LIPG: variants seen among roughly 807,000 people sequenced by gnomAD.
LIPG encodes endothelial lipase.
A neutral mutation model predicts 51.8 loss-of-function variants in LIPG; 34 were observed. The observed-to-expected ratio is 0.66, with a 90% CI of 0.50 to 0.87. The LOEUF is 0.87. Ranked by LOEUF, LIPG falls within the 40% of genes least tolerant of loss-of-function variation. The pLI is 0.00. For missense variants in LIPG, 580 were observed against 652.7 expected (o/e 0.89, Z 1.21); for synonymous variants, 246 against 246.1 (o/e 1.00, Z 0.00).
chr18:49,589,458 G>A (rs957125563), intron 9 of LIPG: 11 of 152,234 alleles, frequency 7.2e-5, no homozygotes, highest in African/African-American at 2.7e-4. Flanking sequence ...AGATGACTAA[G>A]GAAGGCTATT....
At position 49,565,487 on chromosome 18, in the gene LIPG, C is replaced by T. The variant is rs770383951; in HGVS notation, c.268C>T (p.His90Tyr). 6.2e-7 allele frequency: 1 copy of T among 1,614,194 alleles called. No homozygotes were observed. The highest frequency in any genetic ancestry group is 8.5e-7 in the Non-Finnish European group (1 of 1,180,024). The part of the protein sequence containing the change: ...NMTAKTFFII[H>Y]GWTMSGIFEN... ...GACAGCTAAAACCTTTTTCATCATT[C>T]ACGGATGGACGGTGAGCCCGGGGAG... The change falls in exon 2 of 10, where the codon CAC becomes TAC. Residue 90 changes from histidine (H) to tyrosine (Y), a missense_variant. Physicochemically the swap from His to Tyr is moderately conservative, Grantham distance 83. Coordinates refer to ENST00000261292, the MANE Select transcript of LIPG (RefSeq NM_006033.4).
chr18:49,587,568 C>CAA (rs34734805), intron 9 of LIPG, among the ~76,000 whole-genome samples: 833 of 42,214 alleles, frequency 0.02, 153 homozygotes, highest in African/African-American at 0.038. Flanking sequence ...GACTCCGTCT[C>CAA]AAAAAAAAAA....
chr18:49,582,448 A>G lies in LIPG; in HGVS notation c.1123A>G (p.Thr375Ala). 6.2e-7 allele frequency: 1 copy of G among 1,614,238 alleles called. No homozygotes were observed. The highest frequency in any genetic ancestry group is 8.5e-7 in the Non-Finnish European group (1 of 1,180,034). ...EPTFYVTLYGTNADSQTLPLE... is the reference protein window; with the variant it reads ...EPTFYVTLYGANADSQTLPLE... ...CACCTTTTACGTCACCCTTTATGGCACTAATGCAGATTCCCAGACTCTGCC... is the reference window on the plus strand; with the variant it reads ...CACCTTTTACGTCACCCTTTATGGCGCTAATGCAGATTCCCAGACTCTGCC... Residue 375 changes from threonine to alanine, a missense_variant, in exon 7 of 10, where the codon ACT becomes GCT. Thr to Ala is a moderately conservative substitution (Grantham distance 58). Coordinates refer to ENST00000261292, the MANE Select transcript of LIPG (RefSeq NM_006033.4).
chr18:49,590,173 T>TTTTG (rs1555779485), intron 9 of LIPG: 17 of 371,972 alleles, frequency 4.6e-5, no homozygotes, highest in African/African-American at 3.4e-4. Flanking sequence ...GTGTCCATGA[T>TTTTG]TGTGTGTGTG....
intron 4 of LIPG, among the ~76,000 whole-genome samples, chr18:49,572,602 AT>A: frequency 6.6e-6 from 1 of 151,876 alleles, no homozygotes; most frequent in African/African-American, 2.4e-5. Context: ...ATGGTAGTGC[AT>A]GCCTGTAATC....
At position 49,591,142 on chromosome 18, in the gene LIPG, C is replaced by G. The variant is rs576011671; in HGVS notation, c.*620C>G. 3.7e-5 allele frequency: 6 copies of G among 163,344 alleles called. No individual in the cohort carries two copies. In the East Asian group the frequency reaches 1.0e-3, roughly 28 times the overall value. 10.1% of individuals were successfully genotyped at this position (163,344 alleles called of 1,614,324 possible). On this transcript the variant is annotated 3_prime_UTR_variant, in exon 10 of 10. Transcript: ENST00000261292. Reference sequence around the variant, plus strand: ...GTTCATTTTTTAATTGAGCAAATGTCTATTGAACACTTAAAATTAATTAGA... The same window carrying G: ...GTTCATTTTTTAATTGAGCAAATGTGTATTGAACACTTAAAATTAATTAGA...
chr18:49,574,658 C>G (rs2084697099), intron 4 of LIPG, among the ~76,000 whole-genome samples: 2 of 152,036 alleles, frequency 1.3e-5, no homozygotes, highest in South Asian at 4.2e-4. Context: ...TAACAAGCTC[C>G]CAATTTCAAA....
chr18:49,596,340 T>C lies in LIPG; in HGVS notation c.*5818T>C, dbSNP rs1220959392. ...TAAATAAACTAAAATGCTAATAAAA[T>C]GTACTCCTTAGGGCCAGGTGCGGTG... On this transcript the variant is annotated 3_prime_UTR_variant, in exon 10 of 10. Coordinates refer to ENST00000261292, the MANE Select transcript of LIPG (RefSeq NM_006033.4). 1 of 151,948 alleles carries C rather than the reference T, an allele frequency of 6.6e-6. No individual in the cohort carries two copies. The highest frequency in any genetic ancestry group is 1.5e-5 in the Non-Finnish European group (1 of 67,960). The allele number at this position is 151,948 out of a possible 1,614,324, so 9.4% of individuals were successfully genotyped here.
rs2084594123 is a variant in LIPG, at chr18:49,565,454, T to G, written c.235T>G (p.Phe79Val). ...GHSQPLEDCS[F>V]NMTAKTFFII... ...CAGCCAGCCCTTAGAAGACTGCAGT[T>G]TCAACATGACAGCTAAAACCTTTTT... The change falls in exon 2 of 10, where the codon TTC (phenylalanine) becomes GTC (valine). Residue 79 changes from phenylalanine (F) to valine (V), a missense_variant. By Grantham distance (50) the Phe-to-Val change is conservative (BLOSUM62 -1). Transcript: ENST00000261292. The G allele has an allele frequency of 1.2e-6, 2 of 1,614,230 alleles. No individual in the cohort carries two copies. Among genetic ancestry groups the G allele is most frequent in the Non-Finnish European group, 1.7e-6 (2 of 1,180,040 alleles).
chr18:49,583,369 A>T (rs910816279), intron 7 of LIPG, among the ~76,000 whole-genome samples, 187 bp from the exon 8 acceptor site: 5 of 152,158 alleles, frequency 3.3e-5, no homozygotes, highest in Non-Finnish European at 7.4e-5. Context: ...AGTTTGGCCC[A>T]TATGGAGTAC....
rs1481131366 is a variant in LIPG at position 49,565,600 on chromosome 18, T to TC, written c.279+108dup. 3.0e-5 allele frequency: 40 copies of TC among 1,315,714 alleles called. 1 individual carries two copies. In the East Asian group the frequency reaches 8.1e-4, roughly 27 times the overall value. 81.5% of individuals were successfully genotyped at this position (1,315,714 alleles called of 1,614,324 possible). A position where few individuals can be genotyped will look rare whatever the true frequency, so the allele number is the denominator to read the frequency against. ...GGTGTTTCCAGATTCCAAACCCTCT[T>TC]CCCCCCTTTCCTTGTGGGCTGCTTG... On this transcript the variant is annotated intron_variant, in intron 2 of 9. Coordinates refer to ENST00000261292, the MANE Select transcript of LIPG (RefSeq NM_006033.4).
Position 49,583,637 on chromosome 18 carries a change from G to T in LIPG, c.1239G>T (p.Gln413His). 2 of 1,614,218 alleles carry T rather than the reference G, an allele frequency of 1.2e-6. No homozygotes were observed. Among genetic ancestry groups the T allele is most frequent in the Non-Finnish European group, 1.7e-6 (2 of 1,180,046 alleles). ...EEDLGDLLKI[Q>H]LTWEGASQSW... is the part of the protein sequence containing the mutation. Reference sequence around the variant, plus strand: ...ACTTGGGAGACCTCTTGAAGATCCAGCTCACCTGGGAGGGGGCCTCTCAGT... The same window carrying T: ...ACTTGGGAGACCTCTTGAAGATCCATCTCACCTGGGAGGGGGCCTCTCAGT... Residue 413 changes from glutamine (Q) to histidine (H), a missense_variant, in exon 8 of 10, where the codon CAG (glutamine) becomes CAT (histidine). Gln to His is a conservative substitution (Grantham distance 24). Transcript: ENST00000261292.
Position 49,599,075 on chromosome 18 carries a change from T to C in LIPG, c.*8553T>C, listed in dbSNP as rs1047639084. ...AGTAATGCTACTATGAACATTTGCA[T>C]ATGAATCCTTGTATGGACATGAACT... On this transcript the variant is annotated 3_prime_UTR_variant, in exon 10 of 10. Coordinates refer to ENST00000261292, the MANE Select transcript of LIPG (RefSeq NM_006033.4). The C allele has an allele frequency of 2.0e-5, 3 of 152,272 alleles. No individual in the cohort carries two copies. The highest frequency in any genetic ancestry group is 4.4e-5 in the Non-Finnish European group (3 of 68,048). 9.4% of individuals were successfully genotyped at this position (152,272 alleles called of 1,614,324 possible). A position where few individuals can be genotyped will look rare whatever the true frequency, so the allele number is the denominator to read the frequency against.
At chr18:49,570,248 A>G (rs2084649154) in intron 4 of LIPG, among the ~76,000 whole-genome samples, 1 of 152,228 alleles carries the variant, frequency 6.6e-6, no homozygotes, top group African/African-American at 2.4e-5. Context: ...TCCATGTTGA[A>G]AACTGCATCT....
chr18:49,584,528 T>C (rs1367141675), intron 8 of LIPG, among the ~76,000 whole-genome samples: 3 of 152,180 alleles, frequency 2.0e-5, no homozygotes, highest in African/African-American at 4.8e-5. Flanking sequence ...TCTACAGAGG[T>C]CACTGCCAGC....
chr18:49,578,867 T>G (rs2084765805), intron 5 of LIPG, among the ~76,000 whole-genome samples: 1 of 139,592 alleles, frequency 7.2e-6, no homozygotes, highest in African/African-American at 2.9e-5. Context: ...CCAAAACCAG[T>G]CAGGCGTGGT....
chr18:49,561,617 G>GGCC (rs2084550340), upstream of LIPG: 52 of 1,174,166 alleles, frequency 4.4e-5, no homozygotes, highest in South Asian at 2.0e-3. Flanking sequence ...GCTCTCCCCC[G>GGCC]ACGGACTCCC....
intron 4 of LIPG, among the ~76,000 whole-genome samples, chr18:49,574,293 C>T (rs548859722): frequency 5.8e-4 from 89 of 152,226 alleles, no homozygotes; most frequent in Middle Eastern, 3.4e-3. Context: ...ATTCAGGTTC[C>T]ATTTTATAAA....
At chr18:49,574,431 C>G (rs2148850300) in intron 4 of LIPG, among the ~76,000 whole-genome samples, 1 of 152,284 alleles carries the variant, frequency 6.6e-6, no homozygotes, top group Non-Finnish European at 1.5e-5. Context: ...AGTTCAGGCA[C>G]TTGGGAATCT....
Sources: allele counts gnomAD v4.1 joint callset (sites outside exome capture counted in the v4.1 genomes callset), GRCh38; gene constraint gnomAD v4.1.1; transcripts MANE v1.5; gene names NCBI Gene and HGNC (gene_info 2026-07-23, HGNC 2026-07-21).